Variants in CDK8 observed in about 807,000 individuals in gnomAD.
The protein encoded by CDK8 is cyclin dependent kinase 8, also known as cyclin-dependent kinase 8.
A neutral mutation model predicts 71.5 loss-of-function variants in CDK8; 29 were observed. The observed-to-expected ratio is 0.41, with a 90% CI of 0.30 to 0.55. The LOEUF (loss-of-function observed/expected upper bound fraction) is 0.55, where lower values mean the gene tolerates loss of function less well. Among genes scored for constraint, CDK8 ranks in the 20% least tolerant of loss-of-function variants. The pLI, the probability that CDK8 is intolerant of heterozygous loss-of-function variation, is 0.37. For missense variants in CDK8, 288 were observed against 572.6 expected, an observed-to-expected ratio of 0.50 and a Z score of 5.07; for synonymous variants, 161 against 192.1, an observed-to-expected ratio of 0.84 and a Z score of 1.34.
At chr13:26,263,848 G>A (rs955276472) in intron 1 of CDK8, among the ~76,000 whole-genome samples, 9 of 151,040 alleles carry the variant, frequency 6.0e-5, no homozygotes, top group Non-Finnish European at 1.3e-4. Flanking sequence ...CTGGGTTCAC[G>A]CCATTCTCCT....
At chr13:26,304,414 GC>G (rs1957412371) in intron 1 of CDK8, among the ~76,000 whole-genome samples, 1 of 151,728 alleles carries the variant, frequency 6.6e-6, no homozygotes, top group Non-Finnish European at 1.5e-5. Context: ...TATCTCTCCA[GC>G]TTTATGTTTT....
At chr13:26,260,230 A>G (rs551957200) in intron 1 of CDK8, among the ~76,000 whole-genome samples, 36 of 152,074 alleles carry the variant, frequency 2.4e-4, no homozygotes, top group Admixed American at 1.1e-3. Context: ...TAGTATATAT[A>G]TGCACTACAA....
intron 1 of CDK8, among the ~76,000 whole-genome samples, chr13:26,277,944 C>T (rs867816593): frequency 1.3e-5 from 2 of 152,166 alleles, no homozygotes; most frequent in African/African-American, 4.8e-5. Flanking sequence ...AATAGGGACA[C>T]AACTGTTTTG....
chr13:26,350,042 G>A (rs775834002), intron 3 of CDK8, among the ~76,000 whole-genome samples: 3 of 152,148 alleles, frequency 2.0e-5, no homozygotes, highest in Non-Finnish European at 4.4e-5. Flanking sequence ...CAGGTTTGTA[G>A]CCTAGGAGCA....
At chr13:26,403,352 A>G (rs999213078) in intron 12 of CDK8, among the ~76,000 whole-genome samples, 2 of 152,128 alleles carry the variant, frequency 1.3e-5, no homozygotes, top group Non-Finnish European at 2.9e-5. Flanking sequence ...CTTCAAAAAA[A>G]ATTTTTAAAA....
chr13:26,397,338 T>A, intron 9 of CDK8, 113 bp downstream of exon 9: 1 of 643,706 alleles, frequency 1.6e-6, no homozygotes, highest in Non-Finnish European at 2.8e-6. Context: ...TCAGAGTGCT[T>A]TCATGGTAAA....
chr13:26,379,758 C>A (rs1203425267), intron 4 of CDK8, among the ~76,000 whole-genome samples: 1 of 152,182 alleles, frequency 6.6e-6, no homozygotes, highest in African/African-American at 2.4e-5. Context: ...AAAAATCAGT[C>A]ACAGCAATCT....
In CDK8 at chr13:26,293,859, A is replaced by G. The variant is rs146534100; in HGVS notation, c.128+39090A>G. Among the ~76,000 whole-genome samples, 798 of 152,094 alleles carry G rather than the reference A, an allele frequency of 5.2e-3. 5 individuals are homozygous for G. The highest frequency in any genetic ancestry group is 0.018 in the African/African-American group (734 of 41,488). On this transcript the variant is annotated intron_variant, in intron 1 of 12. Transcript: ENST00000381527. ...GTAGTCCATTTGTTCTATAATATAT[A>G]TTTTGACCTTATTTTTCCTGCTTAA...
At chr13:26,315,706 C>G (rs1196417031) in intron 1 of CDK8, among the ~76,000 whole-genome samples, 1 of 152,042 alleles carries the variant, frequency 6.6e-6, no homozygotes, top group Non-Finnish European at 1.5e-5. Flanking sequence ...GCTTTCTAGC[C>G]ATGTTACTTT....
At chr13:26,320,043 G>A (rs1468805154) in intron 1 of CDK8, among the ~76,000 whole-genome samples, 2 of 152,048 alleles carry the variant, frequency 1.3e-5, no homozygotes, top group Non-Finnish European at 2.9e-5. Flanking sequence ...GTTGGACCCT[G>A]CCTAACACCA....
chr13:26,270,935 A>G (rs1872290216), intron 1 of CDK8, among the ~76,000 whole-genome samples: 1 of 152,184 alleles, frequency 6.6e-6, no homozygotes, highest in Non-Finnish European at 1.5e-5. Context: ...CGTTCCCACC[A>G]GCAGTGCACC....
chr13:26,366,941 C>G (rs919431749), intron 4 of CDK8, among the ~76,000 whole-genome samples: 3 of 152,186 alleles, frequency 2.0e-5, no homozygotes, highest in Non-Finnish European at 4.4e-5. Flanking sequence ...ACAGACTATT[C>G]CAGTCTCTTA....
intron 1 of CDK8, among the ~76,000 whole-genome samples, chr13:26,273,638 A>G (rs1872432447): frequency 1.3e-5 from 2 of 151,936 alleles, no homozygotes; most frequent in Admixed American, 6.6e-5. Context: ...ATTAGCCATC[A>G]TATGTTATTT....
chr13:26,332,005 C>G (rs991476701), intron 1 of CDK8, among the ~76,000 whole-genome samples: 8 of 151,940 alleles, frequency 5.3e-5, no homozygotes, highest in African/African-American at 1.9e-4. Context: ...GTTTTGTAGT[C>G]CTTCTCGTAG....
At chr13:26,333,002 T>C (rs1022580365) in intron 1 of CDK8, among the ~76,000 whole-genome samples, 5 of 152,216 alleles carry the variant, frequency 3.3e-5, no homozygotes, top group African/African-American at 1.2e-4. Flanking sequence ...TCTGATTTCA[T>C]GTGACAGGCC....
chr13:26,259,422 A>C (rs957705845), intron 1 of CDK8, among the ~76,000 whole-genome samples: 1 of 152,184 alleles, frequency 6.6e-6, no homozygotes, highest in Non-Finnish European at 1.5e-5. Flanking sequence ...ATTAGGTATT[A>C]TAAGTAATCT....
intron 1 of CDK8, among the ~76,000 whole-genome samples, chr13:26,277,988 T>A (rs1221758940): frequency 6.6e-6 from 1 of 152,024 alleles, no homozygotes; most frequent in African/African-American, 2.4e-5. Context: ...ACCAATGACT[T>A]TGGCACTAAA....
intron 1 of CDK8, among the ~76,000 whole-genome samples, chr13:26,274,059 T>G (rs1036248897): frequency 1.3e-5 from 2 of 152,208 alleles, no homozygotes; most frequent in Non-Finnish European, 1.5e-5. Context: ...TTTCACTTTT[T>G]CATTACATTT....
intron 4 of CDK8, among the ~76,000 whole-genome samples, chr13:26,355,647 A>G (rs1873864856): frequency 1.3e-5 from 2 of 152,186 alleles, no homozygotes; most frequent in African/African-American, 4.8e-5. Flanking sequence ...ATAGATTTAC[A>G]TAACAGAAAT....
Sources: gnomAD v4.1 joint callset for allele counts (sites outside exome capture counted in the v4.1 genomes callset) on GRCh38, gnomAD v4.1.1 for gene constraint, MANE v1.5 for transcripts, NCBI Gene and HGNC (gene_info 2026-07-23, HGNC 2026-07-21) for gene names.